SUFU: variants seen among roughly 807,000 people sequenced by gnomAD.
SUFU encodes the protein SUFU negative regulator of hedgehog signaling.
SUFU carries 7 observed loss-of-function variants against 58.9 expected under a neutral mutation model. The ratio of observed to expected loss-of-function variants is 0.12; its 90% CI spans 0.07 to 0.22. The LOEUF (loss-of-function observed/expected upper bound fraction) is 0.22. SUFU is among the 10% of genes least tolerant of loss of function. SUFU has a pLI of 1.00. For synonymous variants in SUFU, 232 were observed against 254.8 expected, an observed-to-expected ratio of 0.91 and a Z score of 0.85; for missense variants, 451 against 641.3, an observed-to-expected ratio of 0.70 and a Z score of 3.20.
At chr10:102,539,448 G>C (rs1171385148) in intron 2 of SUFU, among the ~76,000 whole-genome samples, 1 of 152,142 alleles carries the variant, frequency 6.6e-6, no homozygotes, top group African/African-American at 2.4e-5. Context: ...TTTGGTTAAG[G>C]TGGTGTCTGC....
intron 8 of SUFU, among the ~76,000 whole-genome samples, chr10:102,599,777 A>C (rs1021091875): frequency 6.6e-6 from 1 of 152,234 alleles, no homozygotes; most frequent in Non-Finnish European, 1.5e-5. Flanking sequence ...GTAAATATTT[A>C]CATGAGCCGT....
Position 102,615,412 on chromosome 10 carries a change from A to G in SUFU, c.1157+10A>G. ...TTCCTCTCTGCCTAAGGTGAGCGAGACAGCCCTGCCACACAGTTTACCCCA... is the reference window on the plus strand; with the variant it reads ...TTCCTCTCTGCCTAAGGTGAGCGAGGCAGCCCTGCCACACAGTTTACCCCA... On this transcript the variant is annotated intron_variant, in intron 9 of 11. Coordinates refer to ENST00000369902, the MANE Select transcript of SUFU (RefSeq NM_016169.4). The G allele has an allele frequency of 6.2e-7, 1 of 1,613,940 alleles. No individual in the cohort carries two copies. Among genetic ancestry groups the G allele is most frequent in the African/African-American group, 1.3e-5 (1 of 75,022 alleles).
intron 10 of SUFU, chr10:102,618,938 G>GTGTGTT (rs2063715191): frequency 1.8e-5 from 9 of 509,316 alleles, no homozygotes; most frequent in Non-Finnish European, 2.9e-5. Context: ...TAGCGTGTGT[G>GTGTGTT]TGTGTGTGTG....
chr10:102,607,459 A>C (rs965895989), intron 8 of SUFU, among the ~76,000 whole-genome samples: 3 of 152,244 alleles, frequency 2.0e-5, no homozygotes, highest in Non-Finnish European at 4.4e-5. Flanking sequence ...TATTAATATA[A>C]TACATGGCTC....
At chr10:102,551,860 G>A (rs1344753953) in intron 3 of SUFU, among the ~76,000 whole-genome samples, 2 of 148,546 alleles carry the variant, frequency 1.3e-5, no homozygotes, top group South Asian at 2.2e-4. Flanking sequence ...GAGTAGCTGC[G>A]ACTACAGGTG....
intron 3 of SUFU, among the ~76,000 whole-genome samples, chr10:102,580,359 A>G (rs2063264150): frequency 6.6e-6 from 1 of 152,130 alleles, no homozygotes; most frequent in African/African-American, 2.4e-5. Context: ...TACGCTGTTT[A>G]TACATCATTG....
chr10:102,630,020 T>C, intron 11 of SUFU, 46 bp from the exon 12 acceptor site: 2 of 1,563,254 alleles, frequency 1.3e-6, no homozygotes, highest in Non-Finnish European at 1.8e-6. Flanking sequence ...CACGGTGTAT[T>C]CTGCTAACCA....
At chr10:102,513,670 C>T (rs1386977543) in intron 2 of SUFU, among the ~76,000 whole-genome samples, 3 of 152,156 alleles carry the variant, frequency 2.0e-5, no homozygotes, top group Admixed American at 6.5e-5. Context: ...GAGGAGGTAG[C>T]GTTTGAGAGG....
intron 8 of SUFU, among the ~76,000 whole-genome samples, chr10:102,607,482 C>T (rs1307929381): frequency 6.6e-6 from 1 of 152,162 alleles, no homozygotes; most frequent in Non-Finnish European, 1.5e-5. Flanking sequence ...CTGTAAACAG[C>T]ATTGATATAG....
chr10:102,590,406 C>T (rs1192406861), intron 3 of SUFU, among the ~76,000 whole-genome samples: 1 of 151,980 alleles, frequency 6.6e-6, no homozygotes, highest in Non-Finnish European at 1.5e-5. Context: ...ACCTCGTGAT[C>T]CGCGTGCCTC....
intron 11 of SUFU, 52 bp downstream of exon 11, chr10:102,627,295 G>GTGTGCGTGCGTGTGCACGTC (rs1388810019): frequency 6.8e-7 from 1 of 1,481,228 alleles, no homozygotes; most frequent in Non-Finnish European, 9.4e-7. Flanking sequence ...GGGACCATGT[G>GTGTGCGTGCGTGTGCACGTC]TGTGCGTGCG....
At chr10:102,582,852 C>T (rs1212197296) in intron 3 of SUFU, among the ~76,000 whole-genome samples, 1 of 152,166 alleles carries the variant, frequency 6.6e-6, no homozygotes, top group South Asian at 2.1e-4. Context: ...GGAATGGCGA[C>T]GTTCTTTCAG....
At chr10:102,503,933 C>T (rs1195797293), upstream of SUFU, 6 of 560,688 alleles carry the variant, frequency 1.1e-5, no homozygotes, top group Admixed American at 8.5e-5. Context: ...CGGCGCCCCG[C>T]CCCCCTTAGC....
intron 10 of SUFU, among the ~76,000 whole-genome samples, chr10:102,620,197 G>A (rs1227063522): frequency 6.6e-6 from 1 of 152,256 alleles, no homozygotes; most frequent in Admixed American, 6.5e-5. Flanking sequence ...AGCCTTGGAA[G>A]CCCTCACTCC....
At chr10:102,581,171 C>A in intron 3 of SUFU, among the ~76,000 whole-genome samples, 1 of 106,050 alleles carries the variant, frequency 9.4e-6, no homozygotes, top group East Asian at 2.7e-4. Context: ...CAGAGAGAGA[C>A]TCTGTCTCCA....
chr10:102,548,536 T>C (rs915304772), intron 2 of SUFU, among the ~76,000 whole-genome samples: 5 of 152,222 alleles, frequency 3.3e-5, no homozygotes, highest in Non-Finnish European at 7.3e-5. Context: ...TCTTAGTTTA[T>C]GGTTTGTGTT....
At chr10:102,612,477 T>C (rs2063637073) in intron 8 of SUFU, among the ~76,000 whole-genome samples, 1 of 152,168 alleles carries the variant, frequency 6.6e-6, no homozygotes, top group Non-Finnish European at 1.5e-5. Context: ...GTGAGTGTGT[T>C]GTGGCAGTTA....
At chr10:102,524,223 C>A (rs1263179958) in intron 2 of SUFU, among the ~76,000 whole-genome samples, 1 of 152,008 alleles carries the variant, frequency 6.6e-6, no homozygotes, top group Non-Finnish European at 1.5e-5. Context: ...CCAGGCTGGT[C>A]TCGGACTCCT....
chr10:102,562,757 G>C (rs1276595140), intron 3 of SUFU, among the ~76,000 whole-genome samples: 3 of 151,522 alleles, frequency 2.0e-5, no homozygotes, highest in Non-Finnish European at 4.4e-5. Context: ...TGAGAATGAT[G>C]GTGCATATCT....
Sources: gnomAD v4.1 joint callset for allele counts (sites outside exome capture counted in the v4.1 genomes callset) on GRCh38, gnomAD v4.1.1 for gene constraint, MANE v1.5 for transcripts, NCBI Gene and HGNC (gene_info 2026-07-23, HGNC 2026-07-21) for gene names.